The following ARHGAP44 variants were observed in gnomAD, a reference collection of about 807,000 sequenced individuals.
The protein encoded by ARHGAP44 is Rho GTPase activating protein 44, also known as rho GTPase-activating protein 44.
A neutral mutation model predicts 106.8 loss-of-function variants in ARHGAP44; 43 were observed. The observed-to-expected ratio is 0.40, with a 90% CI of 0.32 to 0.52. The LOEUF is 0.52. Among genes scored for constraint, ARHGAP44 ranks in the 20% least tolerant of loss-of-function variants. The probability of loss-of-function intolerance (pLI) is 0.48; values close to 1 mark genes in which losing one functional copy is unlikely to be tolerated. For synonymous variants in ARHGAP44, 439 were observed against 410.3 expected, an observed-to-expected ratio of 1.07 and a Z score of -0.85; for missense variants, 866 against 1,050.5, an observed-to-expected ratio of 0.82 and a Z score of 2.43.
intron 2 of ARHGAP44, among the ~76,000 whole-genome samples, chr17:12,895,344 C>T (rs2037172788): frequency 6.6e-6 from 1 of 152,124 alleles, no homozygotes; most frequent in Admixed American, 6.6e-5. Context: ...CCACAGTTAG[C>T]CCGAGGGTCC....
chr17:12,885,120 C>T (rs1019299580), intron 1 of ARHGAP44, among the ~76,000 whole-genome samples: 2 of 152,116 alleles, frequency 1.3e-5, no homozygotes, highest in Admixed American at 6.5e-5. Context: ...AGGTTGGTCT[C>T]GAACTCCTGA....
chr17:12,970,374 A>G (rs1269665708), intron 16 of ARHGAP44, among the ~76,000 whole-genome samples: 1 of 141,108 alleles, frequency 7.1e-6, no homozygotes, highest in Non-Finnish European at 1.5e-5. Flanking sequence ...TCAAAAAAAA[A>G]AAAAAAAAAA....
chr17:12,962,086 T>C (rs959540505), intron 16 of ARHGAP44, among the ~76,000 whole-genome samples: 6 of 151,450 alleles, frequency 4.0e-5, no homozygotes, highest in Non-Finnish European at 7.4e-5. Flanking sequence ...AAAAAATATA[T>C]ATATATATGA....
chr17:12,881,363 ATTTC>A (rs1285766383), intron 1 of ARHGAP44, among the ~76,000 whole-genome samples: 3 of 151,896 alleles, frequency 2.0e-5, no homozygotes, highest in African/African-American at 7.3e-5. Flanking sequence ...TAGAAACCCT[ATTTC>A]TTTATTTTTT....
At position 12,929,606 on chromosome 17, in the gene ARHGAP44, T is replaced by C. The variant is rs1187440348; in HGVS notation, c.582+560T>C. Among the ~76,000 whole-genome samples, 68 of 152,208 alleles carry C rather than the reference T, an allele frequency of 4.5e-4. 1 individual carries two copies. The highest frequency in any genetic ancestry group is 1.8e-4 in the Non-Finnish European group (12 of 68,024). Reference sequence around the variant, plus strand: ...GCGACTCTGTACTCGTGTAATGATGTCCTTCGTTGTACTCATTCAGATGTT... The same window carrying C: ...GCGACTCTGTACTCGTGTAATGATGCCCTTCGTTGTACTCATTCAGATGTT... On this transcript the variant is annotated intron_variant, in intron 7 of 20. Transcript: ENST00000379672.
intron 1 of ARHGAP44, among the ~76,000 whole-genome samples, chr17:12,795,593 C>T (rs988881745): frequency 2.6e-5 from 4 of 151,432 alleles, no homozygotes; most frequent in African/African-American, 9.7e-5. Context: ...GGATCAGTAG[C>T]CATACAAATA....
intron 1 of ARHGAP44, among the ~76,000 whole-genome samples, chr17:12,808,239 C>T (rs998668586): frequency 8.5e-5 from 13 of 152,210 alleles, no homozygotes; most frequent in African/African-American, 2.2e-4. Flanking sequence ...ATGGTACAAG[C>T]GGTCAGTGGA....
rs552392781 is a variant in ARHGAP44, at chr17:12,858,965, G to A, written c.54-35975G>A. 7.9e-5 allele frequency among the ~76,000 whole-genome samples: 12 copies of A among 152,224 alleles called. No homozygotes were observed. The East Asian group carries it at 2.1e-3, about 27-fold the overall frequency. On this transcript the variant is annotated intron_variant, in intron 1 of 20. Transcript: ENST00000379672. ...CAGATCTCATGAGACTTACTACCAC[G>A]AGAACAGTATAGGGAAAACTGCCCC...
At chr17:12,975,060 G>T (rs1182373196) in intron 18 of ARHGAP44, among the ~76,000 whole-genome samples, 2 of 152,038 alleles carry the variant, frequency 1.3e-5, no homozygotes, top group Non-Finnish European at 2.9e-5. Context: ...ATGCTGGCCA[G>T]GCTGGTCTCA....
In ARHGAP44 at chr17:12,896,793, C is replaced by T. The variant is rs555161906; in HGVS notation, c.198+282C>T. On this transcript the variant is annotated intron_variant, in intron 3 of 20. Coordinates refer to ENST00000379672, the MANE Select transcript of ARHGAP44 (RefSeq NM_014859.6). ...GGAGCAACTGGGAAGACGGCAGGGGCGTGCTTGAGATCCCACCTCTAGGGA... is the reference window on the plus strand; with the variant it reads ...GGAGCAACTGGGAAGACGGCAGGGGTGTGCTTGAGATCCCACCTCTAGGGA... Among the ~76,000 whole-genome samples the T allele has an allele frequency of 2.2e-4, 33 of 152,304 alleles. No individual in the cohort carries two copies. In the South Asian group the frequency reaches 6.0e-3, roughly 28 times the overall value.
intron 1 of ARHGAP44, among the ~76,000 whole-genome samples, chr17:12,837,172 A>G (rs2035262198): frequency 6.6e-6 from 1 of 152,242 alleles, no homozygotes; most frequent in Non-Finnish European, 1.5e-5. Context: ...TCCATAGGTC[A>G]AAGAGGAAAT....
At chr17:12,791,402 G>C (rs2033752722) in intron 1 of ARHGAP44, among the ~76,000 whole-genome samples, 1 of 152,118 alleles carries the variant, frequency 6.6e-6, no homozygotes, top group Admixed American at 6.6e-5. Context: ...CGTCTTTAAT[G>C]TCTTGGCTTC....
At position 12,838,775 on chromosome 17, in the gene ARHGAP44, G is replaced by T. The variant is rs929562404; in HGVS notation, c.53+48884G>T. The stretch of plus-strand genomic sequence containing the variant: ...CAAACTCCGCCTCCTGGGTTCAAGC[G>T]ATTCTCCTGCCTCAGTCTTCCGAGT... On this transcript the variant is annotated intron_variant, in intron 1 of 20. Coordinates refer to ENST00000379672, the MANE Select transcript of ARHGAP44 (RefSeq NM_014859.6). 2.6e-5 allele frequency among the ~76,000 whole-genome samples: 4 copies of T among 152,038 alleles called. 1 individual carries two copies. The highest frequency in any genetic ancestry group is 9.7e-5 in the African/African-American group (4 of 41,384).
At chr17:12,963,651 A>C (rs2039319045) in intron 16 of ARHGAP44, among the ~76,000 whole-genome samples, 1 of 151,946 alleles carries the variant, frequency 6.6e-6, no homozygotes, top group Admixed American at 6.5e-5. Flanking sequence ...GTGTGTAGAC[A>C]GGTCGGCCTT....
At position 12,853,659 on chromosome 17, in the gene ARHGAP44, C is replaced by G. The variant is rs151157110; in HGVS notation, c.54-41281C>G. On this transcript the variant is annotated intron_variant, in intron 1 of 20. Transcript: ENST00000379672. ...GTCCTTCATGTCAGCTAGATGTTCTCAACTACCCAAATCCACTGTAGATAA... is the reference window on the plus strand; with the variant it reads ...GTCCTTCATGTCAGCTAGATGTTCTGAACTACCCAAATCCACTGTAGATAA... Among the ~76,000 whole-genome samples the G allele has an allele frequency of 2.2e-4, 33 of 152,286 alleles. No individual in the cohort carries two copies. In the East Asian group the frequency reaches 5.6e-3, roughly 26 times the overall value.
At chr17:12,969,920 A>G (rs367732900) in intron 16 of ARHGAP44, among the ~76,000 whole-genome samples, 21 of 152,324 alleles carry the variant, frequency 1.4e-4, no homozygotes, top group Non-Finnish European at 2.9e-4. Context: ...GTTAACTGGG[A>G]CTAGAGGCCT....
intron 3 of ARHGAP44, among the ~76,000 whole-genome samples, chr17:12,903,111 AGAGAGAGAGAGAGAG>A (rs1332131287): frequency 3.5e-4 from 37 of 104,872 alleles, no homozygotes; most frequent in African/African-American, 1.4e-3. Flanking sequence ...AGAGAGAGAG[AGAGAGAGAGAGAGAG>A]GAGAGAGAGA....
At position 12,849,594 on chromosome 17, in the gene ARHGAP44, T is replaced by TTTTTTG. The variant is rs11373135; in HGVS notation, c.54-45346_54-45345insTTTTTG. On this transcript the variant is annotated intron_variant, in intron 1 of 20. Coordinates refer to ENST00000379672, the MANE Select transcript of ARHGAP44 (RefSeq NM_014859.6). ...TTTTTTTTTTTTTTTTTTTTTTTTT[T>TTTTTTG]GCTTGGCTTCAGCGTTTTCACCTTG... 7.4e-4 allele frequency among the ~76,000 whole-genome samples: 83 copies of TTTTTTG among 112,456 alleles called. 13 individuals are homozygous for TTTTTTG. In the East Asian group the frequency reaches 0.017, roughly 23 times the overall value. The allele number at this position is 112,456 out of a possible 152,430, so 73.8% of individuals were successfully genotyped here. A position where few individuals can be genotyped will look rare whatever the true frequency, so the allele number is the denominator to read the frequency against.
intron 13 of ARHGAP44, chr17:12,955,622 T>G: frequency 2.5e-6 from 1 of 407,518 alleles, no homozygotes; most frequent in Non-Finnish European, 4.5e-6. Flanking sequence ...GAAGGAGACT[T>G]TCTGGCCAGT....
Sources: allele counts gnomAD v4.1 joint callset (sites outside exome capture counted in the v4.1 genomes callset), GRCh38; gene constraint gnomAD v4.1.1; transcripts MANE v1.5; gene names NCBI Gene and HGNC (gene_info 2026-07-23, HGNC 2026-07-21).